MRGPRX3: variants seen among roughly 807,000 people sequenced by gnomAD.
MRGPRX3 encodes MAS related GPR family member X3, also known as mas-related G protein-coupled receptor member X3.
In MRGPRX3, 14 loss-of-function variants were observed where a neutral mutation model predicts 16.5. The ratio of observed to expected loss-of-function variants is 0.85; its 90% CI spans 0.56 to 1.33. The LOEUF is 1.33. Among genes scored for constraint, MRGPRX3 ranks in the 40% most tolerant of loss-of-function variants. The pLI is 0.00. For synonymous variants in MRGPRX3, 199 were observed against 180.1 expected (o/e 1.10, Z -0.84); for missense variants, 449 against 413.0 (o/e 1.09, Z -0.76).
Position 18,137,897 on chromosome 11 carries a change from T to G in MRGPRX3, c.695T>G (p.Phe232Cys). The stretch of plus-strand genomic sequence containing the variant: ...GTCTTCCTCCTCTGTGGCCTGCCCT[T>G]TGGCATTCAGTGGGCCCTGTTTTCC... Reference protein sequence around the residue: ...VLVFLLCGLPFGIQWALFSRI... With the variant: ...VLVFLLCGLPCGIQWALFSRI... Residue 232 changes from phenylalanine (F) to cysteine (C), a missense_variant, in exon 2 of 2, where the codon TTT (phenylalanine) becomes TGT (cysteine). Phe to Cys is a radical substitution (Grantham distance 205). Transcript: ENST00000621697. 6.2e-7 allele frequency: 1 copy of G among 1,614,222 alleles called. No homozygotes were observed. Among genetic ancestry groups the G allele is most frequent in the Non-Finnish European group, 8.5e-7 (1 of 1,180,026 alleles).
At position 18,122,661 on chromosome 11, in the gene MRGPRX3, C is replaced by T. The variant is rs370573299; in HGVS notation, c.-152+1497C>T. Among the ~76,000 whole-genome samples, 16 of 152,280 alleles carry T rather than the reference C, an allele frequency of 1.1e-4. No homozygotes were observed. In the East Asian group the frequency reaches 2.5e-3, roughly 24 times the overall value. ...ACAATAAACATACGTGTGCATGTGT[C>T]TTTATAGCAGGGTGATTTATAATCC... is the stretch of plus-strand genomic sequence containing the variant. On this transcript the variant is annotated intron_variant, in intron 1 of 2. Transcript: ENST00000396275.
chr11:18,131,242 C>G (rs982680770), upstream of MRGPRX3, among the ~76,000 whole-genome samples: 4 of 152,102 alleles, frequency 2.6e-5, no homozygotes, highest in African/African-American at 7.2e-5. Flanking sequence ...GCAGAGCAAA[C>G]AGACAACCCA....
At chr11:18,125,956 C>T (rs1216098205) in intron 1 of MRGPRX3, among the ~76,000 whole-genome samples, 1 of 152,114 alleles carries the variant, frequency 6.6e-6, no homozygotes, top group African/African-American at 2.4e-5. Context: ...CCTTCTTTGT[C>T]TCTTTTGATC....
intron 1 of MRGPRX3, among the ~76,000 whole-genome samples, chr11:18,134,061 G>T (rs1180820261): frequency 2.0e-5 from 3 of 152,138 alleles, no homozygotes; most frequent in Admixed American, 2.0e-4. Context: ...CTATCTGATT[G>T]ATCCCTGTCT....
upstream of MRGPRX3, among the ~76,000 whole-genome samples, chr11:18,128,505 C>A (rs536246541): frequency 3.1e-4 from 47 of 152,318 alleles, no homozygotes; most frequent in African/African-American, 1.1e-3. Context: ...GCCTCACTGC[C>A]ACCTTGCAGT....
At position 18,137,743 on chromosome 11, in the gene MRGPRX3, A is replaced by G. The variant is rs759561820; in HGVS notation, c.541A>G (p.Ile181Val). 3.1e-6 allele frequency: 5 copies of G among 1,613,766 alleles called. No individual in the cohort carries two copies. Among genetic ancestry groups the G allele is most frequent in the East Asian group, 4.5e-5 (2 of 44,862 alleles). The change falls in exon 2 of 2, where the codon ATC becomes GTC. Residue 181 changes from isoleucine (I) to valine (V), a missense_variant. Physicochemically the swap from Ile to Val is conservative, Grantham distance 29. Transcript: ENST00000621697. ...VWCETSDFIT[I>V]AWLVFLCVVL... ...GTGTGAAACGTCAGATTTCATTACA[A>G]TCGCGTGGCTGGTTTTTTTATGTGT...
Position 18,137,255 on chromosome 11 carries a change from G to T in MRGPRX3, c.53G>T (p.Arg18Leu), listed in dbSNP as rs772433034. The T allele has an allele frequency of 6.2e-7, 1 of 1,613,774 alleles. No individual in the cohort carries two copies. Among genetic ancestry groups the T allele is most frequent in the Admixed American group, 1.7e-5 (1 of 60,014 alleles). ...LGTELTPINGREETPCYKQTL... is the reference protein window; with the variant it reads ...LGTELTPINGLEETPCYKQTL... ...ACAGAACTGACACCAATCAACGGAC[G>T]TGAGGAGACTCCTTGCTACAAGCAG... Residue 18 changes from arginine (R) to leucine (L), a missense_variant, in exon 2 of 2, where the codon CGT becomes CTT. Arg to Leu is a moderately radical substitution (Grantham distance 102). Coordinates refer to ENST00000621697, the MANE Select transcript of MRGPRX3 (RefSeq NM_001370464.1).
chr11:18,130,633 TATC>T (rs902038054), upstream of MRGPRX3, among the ~76,000 whole-genome samples: 3 of 145,696 alleles, frequency 2.1e-5, no homozygotes, highest in Admixed American at 7.0e-5. Context: ...CCCACCAAAA[TATC>T]ATCATCATTC....
At position 18,137,316 on chromosome 11, in the gene MRGPRX3, C is replaced by T; in HGVS notation, c.114C>T (p.Ser38=). 1 of 1,614,190 alleles carries T rather than the reference C, an allele frequency of 6.2e-7. No homozygotes were observed. The highest frequency in any genetic ancestry group is 8.5e-7 in the Non-Finnish European group (1 of 1,180,028). The change falls in exon 2 of 2, where the codon TCC becomes TCT. Residue 38 remains serine, a synonymous_variant. Coordinates refer to ENST00000621697, the MANE Select transcript of MRGPRX3 (RefSeq NM_001370464.1). ...LSFTGLTCIV[S]LVALTGNAVV... ...TCACGGGGCTGACGTGCATCGTTTC[C>T]CTTGTCGCGCTGACAGGAAACGCGG...
rs144841097 is a variant in MRGPRX3 at position 18,138,097 on chromosome 11, C to G, written c.895C>G (p.Pro299Ala). ...LVLQRALQDT[P>A]EVDEGGGWLP... ...TCTCCAGAGGGCTCTGCAGGACACG[C>G]CTGAGGTGGATGAAGGTGGAGGGTG... Residue 299 changes from proline to alanine, a missense_variant, in exon 2 of 2, where the codon CCT becomes GCT. Transcript: ENST00000621697. 1 of 1,614,162 alleles carries G rather than the reference C, an allele frequency of 6.2e-7. No individual in the cohort carries two copies. Among genetic ancestry groups the G allele is most frequent in the Admixed American group, 1.7e-5 (1 of 60,016 alleles).
intron 1 of MRGPRX3, among the ~76,000 whole-genome samples, chr11:18,122,496 G>A (rs1460357639): frequency 1.3e-5 from 2 of 152,138 alleles, no homozygotes; most frequent in African/African-American, 2.4e-5. Flanking sequence ...CCCCATCCAC[G>A]TCCCTGCAAA....
chr11:18,132,579 C>T lies in MRGPRX3; in HGVS notation c.-186C>T, dbSNP rs1191406635. ...AAATAACAAGACTGTCCAGCATCTT[C>T]GTAAGCCTGGATTGCTCACCAGCTT... On this transcript the variant is annotated 5_prime_UTR_variant, in exon 1 of 2. Transcript: ENST00000621697. The T allele has an allele frequency of 6.6e-6, 1 of 152,196 alleles. No individual in the cohort carries two copies. Among genetic ancestry groups the T allele is most frequent in the Non-Finnish European group, 1.5e-5 (1 of 68,048 alleles). The allele number at this position is 152,196 out of a possible 1,614,324, so 9.4% of individuals were successfully genotyped here.
intron 1 of MRGPRX3, among the ~76,000 whole-genome samples, chr11:18,136,587 AT>A (rs1462606465): frequency 6.6e-6 from 1 of 152,198 alleles, no homozygotes; most frequent in African/African-American, 2.4e-5. Context: ...TCATGCATGC[AT>A]TCCTTCATTG....
intron 1 of MRGPRX3, among the ~76,000 whole-genome samples, chr11:18,122,301 C>A (rs1243102198): frequency 1.3e-5 from 2 of 152,144 alleles, no homozygotes. Context: ...TTGCTGCACT[C>A]ATTAACTTGT....
At chr11:18,123,069 T>C (rs909250506) in intron 1 of MRGPRX3, among the ~76,000 whole-genome samples, 6 of 152,200 alleles carry the variant, frequency 3.9e-5, no homozygotes, top group African/African-American at 1.4e-4. Flanking sequence ...TGGAGTTCAT[T>C]GTAGATTCTG....
chr11:18,132,336 C>T (rs1590306170), upstream of MRGPRX3, among the ~76,000 whole-genome samples: 1 of 152,264 alleles, frequency 6.6e-6, no homozygotes, highest in South Asian at 2.1e-4. Flanking sequence ...GGATATAAAG[C>T]CTCATAATGA....
chr11:18,130,688 A>G (rs1011793160), upstream of MRGPRX3, among the ~76,000 whole-genome samples: 9 of 109,114 alleles, frequency 8.2e-5, no homozygotes, highest in African/African-American at 2.7e-4. Context: ...TTCATATGGA[A>G]CAACAACCAA....
At chr11:18,128,787 GCACCCACTGTCCGA>G (rs576681250), upstream of MRGPRX3, among the ~76,000 whole-genome samples, 435 of 152,290 alleles carry the variant, frequency 2.9e-3, 7 homozygotes, top group Non-Finnish European at 2.0e-3. Flanking sequence ...CCACTGTCCT[GCACCCACTGTCCGA>G]CAATCCCCAG....
upstream of MRGPRX3, among the ~76,000 whole-genome samples, chr11:18,127,707 T>G (rs1012065790): frequency 7.2e-5 from 11 of 152,220 alleles, no homozygotes; most frequent in African/African-American, 2.4e-4. Flanking sequence ...TTCTTTGCCA[T>G]GGGTTCGAAC....
Sources: allele counts gnomAD v4.1 joint callset (sites outside exome capture counted in the v4.1 genomes callset), GRCh38; gene constraint gnomAD v4.1.1; transcripts MANE v1.5; gene names NCBI Gene and HGNC (gene_info 2026-07-23, HGNC 2026-07-21).